Variants in ERBB4 observed in about 807,000 individuals in gnomAD.
ERBB4 encodes receptor tyrosine-protein kinase erbB-4.
ERBB4 carries 42 observed loss-of-function variants against 158.0 expected under a neutral mutation model. That is an observed-to-expected ratio of 0.27 (90% CI 0.21 to 0.34). The LOEUF is 0.34. Ranked by LOEUF, ERBB4 falls within the 10% of genes least tolerant of loss-of-function variation. The probability of loss-of-function intolerance (pLI) is 1.00; values close to 1 mark genes in which losing one functional copy is unlikely to be tolerated. For missense variants in ERBB4, 1,333 were observed against 1,624.1 expected, an observed-to-expected ratio of 0.82 and a Z score of 3.08; for synonymous variants, 583 against 558.7, an observed-to-expected ratio of 1.04 and a Z score of -0.61.
chr2:212,248,780 C>T (rs1273308614), intron 1 of ERBB4, among the ~76,000 whole-genome samples: 4 of 151,520 alleles, frequency 2.6e-5, no homozygotes, highest in African/African-American at 9.7e-5. Context: ...TGGCTGACTG[C>T]TGCTGATTCT....
intron 20 of ERBB4, among the ~76,000 whole-genome samples, chr2:211,466,303 T>A (rs985758459): frequency 8.0e-5 from 12 of 150,282 alleles, no homozygotes; most frequent in African/African-American, 2.9e-4. Flanking sequence ...CTACTACCAG[T>A]AAGTAACATG....
intron 2 of ERBB4, among the ~76,000 whole-genome samples, chr2:212,037,053 C>T (rs2077031806): frequency 6.6e-6 from 1 of 152,168 alleles, no homozygotes; most frequent in African/African-American, 2.4e-5. Flanking sequence ...TGTTGCTCCT[C>T]CTTTTCATTT....
At chr2:211,395,247 TG>T (rs557050595) in intron 25 of ERBB4, among the ~76,000 whole-genome samples, 16 of 152,216 alleles carry the variant, frequency 1.1e-4, no homozygotes, top group African/African-American at 2.9e-4. Flanking sequence ...GAACCACATT[TG>T]GATGATGACT....
At chr2:212,472,364 G>T (rs1689156848) in intron 1 of ERBB4, among the ~76,000 whole-genome samples, 2 of 151,672 alleles carry the variant, frequency 1.3e-5, no homozygotes, top group East Asian at 1.9e-4. Context: ...TAAATAAATT[G>T]CCCCCAATTG....
intron 1 of ERBB4, among the ~76,000 whole-genome samples, chr2:212,509,333 TATGTGTTTTTCATAAG>T: frequency 6.6e-6 from 1 of 152,140 alleles, no homozygotes; most frequent in East Asian, 1.9e-4. Context: ...GTCCATTTGG[TATGTGTTTTTCATAAG>T]ATTGCTTTCG....
chr2:212,130,985 A>G (rs537543163), intron 1 of ERBB4, among the ~76,000 whole-genome samples: 1 of 152,222 alleles, frequency 6.6e-6, no homozygotes, highest in Non-Finnish European at 1.5e-5. Context: ...CCTTGGATTT[A>G]TGCATATTGT....
chr2:212,201,831 T>G (rs947059661), intron 1 of ERBB4, among the ~76,000 whole-genome samples: 12 of 152,214 alleles, frequency 7.9e-5, no homozygotes, highest in Admixed American at 7.2e-4. Flanking sequence ...GTCTCTCTTG[T>G]GGAACTGCCA....
At chr2:212,052,449 C>T (rs187802530) in intron 2 of ERBB4, among the ~76,000 whole-genome samples, 1 of 152,294 alleles carries the variant, frequency 6.6e-6, no homozygotes, top group Non-Finnish European at 1.5e-5. Flanking sequence ...ATAAACTTCC[C>T]TTCATATACA....
chr2:211,917,331 G>T (rs1241512713), intron 3 of ERBB4, among the ~76,000 whole-genome samples: 3 of 151,950 alleles, frequency 2.0e-5, no homozygotes, highest in Non-Finnish European at 2.9e-5. Context: ...AAAAAATGAC[G>T]TATTTTCCCG....
chr2:211,447,322 T>C (rs2064135772), intron 20 of ERBB4, among the ~76,000 whole-genome samples: 1 of 152,096 alleles, frequency 6.6e-6, no homozygotes, highest in South Asian at 2.1e-4. Context: ...GTTCAATCCA[T>C]TATTAGAAAA....
At chr2:211,760,299 C>T (rs898251139) in intron 4 of ERBB4, among the ~76,000 whole-genome samples, 4 of 152,164 alleles carry the variant, frequency 2.6e-5, no homozygotes, top group African/African-American at 4.8e-5. Context: ...GTCCTAGCTC[C>T]AGGAGTGTGC....
At chr2:212,148,865 G>C (rs2080771824) in intron 1 of ERBB4, among the ~76,000 whole-genome samples, 1 of 145,160 alleles carries the variant, frequency 6.9e-6, no homozygotes, top group Non-Finnish European at 1.5e-5. Flanking sequence ...GTCCTTTGTA[G>C]GGACATGGAT....
intron 20 of ERBB4, among the ~76,000 whole-genome samples, chr2:211,509,883 C>A (rs1338442951): frequency 6.6e-6 from 1 of 152,030 alleles, no homozygotes; most frequent in Non-Finnish European, 1.5e-5. Context: ...CAAATTAAAA[C>A]CGCAGTGAAA....
At chr2:212,205,716 G>C (rs915291933) in intron 1 of ERBB4, among the ~76,000 whole-genome samples, 2 of 152,098 alleles carry the variant, frequency 1.3e-5, no homozygotes, top group Admixed American at 6.5e-5. Flanking sequence ...TTACATGTAG[G>C]AGGGTCTTAT....
At chr2:211,754,024 AT>A (rs1283631998) in intron 4 of ERBB4, among the ~76,000 whole-genome samples, 4 of 150,776 alleles carry the variant, frequency 2.7e-5, no homozygotes, top group South Asian at 2.1e-4. Context: ...CGCCCGGCTA[AT>A]TTTTTTTCGT....
intron 25 of ERBB4, among the ~76,000 whole-genome samples, chr2:211,419,765 A>G (rs2063476057): frequency 6.6e-6 from 1 of 152,104 alleles, no homozygotes; most frequent in Non-Finnish European, 1.5e-5. Flanking sequence ...TGTTGAATGT[A>G]TGAGGAATGA....
chr2:211,772,712 C>G (rs1301895948), intron 4 of ERBB4, among the ~76,000 whole-genome samples: 1 of 147,420 alleles, frequency 6.8e-6, no homozygotes, highest in Non-Finnish European at 1.5e-5. Context: ...CTGGTACAAT[C>G]ATGGCTCACT....
intron 3 of ERBB4, among the ~76,000 whole-genome samples, chr2:211,831,108 A>G (rs1352092785): frequency 6.6e-6 from 1 of 152,230 alleles, no homozygotes; most frequent in Admixed American, 6.5e-5. Flanking sequence ...AAAAGTACTT[A>G]GCTTGGAGAT....
intron 1 of ERBB4, among the ~76,000 whole-genome samples, chr2:212,301,928 G>C (rs2086638852): frequency 6.6e-6 from 1 of 151,366 alleles, no homozygotes; most frequent in Admixed American, 6.6e-5. Context: ...AGACTTTCAA[G>C]AAATGCAACG....
Sources: allele counts gnomAD v4.1 joint callset (sites outside exome capture counted in the v4.1 genomes callset), GRCh38; gene constraint gnomAD v4.1.1; transcripts MANE v1.5; gene names NCBI Gene and HGNC (gene_info 2026-07-23, HGNC 2026-07-21).